Variants in TLN2 observed in about 807,000 individuals in gnomAD.
TLN2 encodes talin-2.
A neutral mutation model predicts 294.7 loss-of-function variants in TLN2; 118 were observed. That is an observed-to-expected ratio of 0.40 (90% CI 0.34 to 0.47). TLN2 has a LOEUF of 0.47. Among genes scored for constraint, TLN2 ranks in the 20% least tolerant of loss-of-function variants. The pLI, the probability that TLN2 is intolerant of heterozygous loss-of-function variation, is 0.84. For synonymous variants in TLN2, 1,431 were observed against 1,304.5 expected, an observed-to-expected ratio of 1.10 and a Z score of -2.09; for missense variants, 3,083 against 3,282.2, an observed-to-expected ratio of 0.94 and a Z score of 1.48.
chr15:62,824,027 C>T (rs146591219), intron 54 of TLN2: 1 of 528,016 alleles, frequency 1.9e-6, no homozygotes, highest in African/African-American at 1.9e-5. Flanking sequence ...AAACATATTC[C>T]TACAGTGTCT....
At position 62,644,450 on chromosome 15, in the gene TLN2, C is replaced by A. The variant is rs1468287914; in HGVS notation, c.-36-2825C>A. ...TCTTTCTAGCCCCTCCCACCCAGTT[C>A]TCTCTCCATCTTTGCGTTCAATTCT... is the stretch of plus-strand genomic sequence containing the variant. On this transcript the variant is annotated intron_variant, in intron 3 of 58. Coordinates refer to ENST00000636159, the MANE Select transcript of TLN2 (RefSeq NM_015059.3). 6.6e-6 allele frequency: 3 copies of A among 455,534 alleles called. No individual in the cohort carries two copies. In the Admixed American group the frequency reaches 7.0e-5, roughly 11 times the overall value. 28.2% of individuals were successfully genotyped at this position (455,534 alleles called of 1,614,324 possible). A position where few individuals can be genotyped will look rare whatever the true frequency, so the allele number is the denominator to read the frequency against.
chr15:62,768,017 G>C (rs2063123297), intron 41 of TLN2, among the ~76,000 whole-genome samples: 1 of 152,158 alleles, frequency 6.6e-6, no homozygotes, highest in Non-Finnish European at 1.5e-5. Context: ...CCTTCTAAAA[G>C]AGAATTTTGG....
At chr15:62,746,922 G>A (rs1323043658) in intron 32 of TLN2, among the ~76,000 whole-genome samples, 1 of 152,108 alleles carries the variant, frequency 6.6e-6, no homozygotes, top group Non-Finnish European at 1.5e-5. Flanking sequence ...TAAAATGCGT[G>A]GGTTTTCAAT....
chr15:62,739,446 C>T lies in TLN2; in HGVS notation c.3786C>T (p.Thr1262=), dbSNP rs778236385. The part of the protein sequence containing the change: ...NQSAGEVVHA[T]RGQSGELAAA... ...CTGCTGGGGAAGTGGTCCATGCCAC[C>T]CGGGGCCAGAGTGGAGAGTTGGCTG... Residue 1262 remains threonine, a synonymous_variant, in exon 31 of 59, where the codon ACC becomes ACT. Transcript: ENST00000636159. 6.2e-7 allele frequency: 1 copy of T among 1,614,108 alleles called. No homozygotes were observed. Among genetic ancestry groups the T allele is most frequent in the Middle Eastern group, 1.6e-4 (1 of 6,062 alleles).
intron 1 of TLN2, among the ~76,000 whole-genome samples, chr15:62,551,546 A>G (rs1177638433): frequency 1.3e-5 from 2 of 151,468 alleles, no homozygotes; most frequent in Non-Finnish European, 2.9e-5. Flanking sequence ...ACACACACAC[A>G]CAAATAGCCA....
chr15:62,521,601 G>A (rs1317506661), intron 1 of TLN2, among the ~76,000 whole-genome samples: 1 of 152,148 alleles, frequency 6.6e-6, no homozygotes, highest in Non-Finnish European at 1.5e-5. Context: ...GGTTGTGAGG[G>A]TCAAGGTTCT....
rs3055852 is a variant in TLN2 at position 62,815,177 on chromosome 15, TCACACACACACACACACACA to T, written c.6772-4303_6772-4284del. On this transcript the variant is annotated intron_variant, in intron 52 of 58. Transcript: ENST00000636159. ...AAACTGGAGATTTTTATTCTGTCTGTCACACACACACACACACACACACACACACACACACACACACACAC... is the reference window on the plus strand; with the variant it reads ...AAACTGGAGATTTTTATTCTGTCTGTCACACACACACACACACACACACAC... Among the ~76,000 whole-genome samples the T allele has an allele frequency of 2.4e-3, 334 of 140,686 alleles. 1 individual carries two copies. Among genetic ancestry groups the T allele is most frequent in the East Asian group, 0.011 (52 of 4,818 alleles). 92.3% of individuals were successfully genotyped at this position (140,686 alleles called of 152,430 possible). A position where few individuals can be genotyped will look rare whatever the true frequency, so the allele number is the denominator to read the frequency against.
In TLN2 at chr15:62,697,750, T is replaced by A. The variant is rs773979359; in HGVS notation, c.1355T>A (p.Leu452Gln). The A allele has an allele frequency of 5.0e-6, 8 of 1,612,106 alleles. No homozygotes were observed. The highest frequency in any genetic ancestry group is 1.7e-4 in the Middle Eastern group (1 of 6,052). ...TGKAEHGSVA[L>Q]PAVMRSGSSG... ...AAGGCAGAGCACGGCTCAGTGGCGCTGCCGGCCGTGATGCGCTCGGGCTCC... is the reference window on the plus strand; with the variant it reads ...AAGGCAGAGCACGGCTCAGTGGCGCAGCCGGCCGTGATGCGCTCGGGCTCC... The change falls in exon 15 of 59, where the codon CTG becomes CAG. Residue 452 changes from leucine to glutamine, a missense_variant. By Grantham distance (113) the Leu-to-Gln change is moderately radical. Coordinates refer to ENST00000636159, the MANE Select transcript of TLN2 (RefSeq NM_015059.3).
Position 62,432,749 on chromosome 15 carries a change from G to A in TLN2, c.-238+42064G>A, listed in dbSNP as rs1210687642. ...ATACTAGGAGTTGTTTTGCTCCTTCGAGTACATGTATTTTGGCCATGACTA... is the reference window on the plus strand; with the variant it reads ...ATACTAGGAGTTGTTTTGCTCCTTCAAGTACATGTATTTTGGCCATGACTA... On this transcript the variant is annotated intron_variant, in intron 1 of 58. Transcript: ENST00000636159. Among the ~76,000 whole-genome samples, 6 of 152,248 alleles carry A rather than the reference G, an allele frequency of 3.9e-5. No individual in the cohort carries two copies. The South Asian group carries it at 6.2e-4, about 16-fold the overall frequency.
intron 1 of TLN2, among the ~76,000 whole-genome samples, chr15:62,427,896 CT>C (rs1045958267): frequency 6.6e-6 from 1 of 152,160 alleles, no homozygotes; most frequent in African/African-American, 2.4e-5. Context: ...GTTCCTAGGG[CT>C]AGGCAGTGTC....
intron 4 of TLN2, among the ~76,000 whole-genome samples, chr15:62,648,404 C>CAAAAAAAAAAAAA (rs66528062): frequency 1.6e-5 from 1 of 61,872 alleles, no homozygotes. Flanking sequence ...GACCCTGACT[C>CAAAAAAAAAAAAA]AAAAAAAAAA....
At position 62,707,245 on chromosome 15, in the gene TLN2, T is replaced by C. The variant is rs965978619; in HGVS notation, c.2164T>C (p.Cys722Arg). ...CCTCTCCACCTCCCAGCTTGTGGCA[T>C]GTGCCAAGGTAAGCCAGCTGGCACC... ...CALSTSQLVACAKVVSPTISS... is the reference protein window; with the variant it reads ...CALSTSQLVARAKVVSPTISS... The change falls in exon 20 of 59, where the codon TGT (cysteine) becomes CGT (arginine). Residue 722 changes from cysteine (C) to arginine (R), a missense_variant. By Grantham distance (180) the Cys-to-Arg change is radical. Coordinates refer to ENST00000636159, the MANE Select transcript of TLN2 (RefSeq NM_015059.3). The C allele has an allele frequency of 6.2e-7, 1 of 1,608,836 alleles. No individual in the cohort carries two copies. Among genetic ancestry groups the C allele is most frequent in the Non-Finnish European group, 8.5e-7 (1 of 1,176,188 alleles).
chr15:62,474,558 C>G (rs2037680099), intron 1 of TLN2, among the ~76,000 whole-genome samples: 1 of 152,180 alleles, frequency 6.6e-6, no homozygotes, highest in African/African-American at 2.4e-5. Flanking sequence ...GGGAGGATCA[C>G]TTGAGCCAGG....
intron 3 of TLN2, among the ~76,000 whole-genome samples, chr15:62,622,617 A>C (rs144092341): frequency 3.3e-4 from 51 of 152,294 alleles, no homozygotes; most frequent in Non-Finnish European, 6.0e-4. Flanking sequence ...TTTACTGAAA[A>C]ATTTTATGTA....
intron 1 of TLN2, chr15:62,561,283 C>G (rs1274564874): frequency 6.6e-6 from 1 of 152,236 alleles, no homozygotes; most frequent in Non-Finnish European, 1.5e-5. Context: ...AATCTCTGGT[C>G]TGATTACACA....
chr15:62,713,266 C>A (rs1190360325), intron 22 of TLN2, among the ~76,000 whole-genome samples: 3 of 84,796 alleles, frequency 3.5e-5, no homozygotes, highest in African/African-American at 7.7e-5. Flanking sequence ...AGCAAACCTG[C>A]GTCTCAAAAA....
intron 1 of TLN2, among the ~76,000 whole-genome samples, chr15:62,501,510 C>CA (rs1326080539): frequency 6.6e-6 from 1 of 152,208 alleles, no homozygotes; most frequent in Non-Finnish European, 1.5e-5. Flanking sequence ...AGCTTGCACT[C>CA]ACACTGCCCC....
At chr15:62,823,820 C>T (rs1459467081) in intron 54 of TLN2, 13 of 400,448 alleles carry the variant, frequency 3.2e-5, no homozygotes, top group East Asian at 8.4e-5. Flanking sequence ...TTGTTAATGG[C>T]GCCGTTTCCA....
chr15:62,591,554 T>C (rs1455149840), intron 2 of TLN2, among the ~76,000 whole-genome samples: 1 of 152,202 alleles, frequency 6.6e-6, no homozygotes. Context: ...AGTCACACCA[T>C]GGTCAAGGTA....
Sources: gnomAD v4.1 joint callset for allele counts (sites outside exome capture counted in the v4.1 genomes callset) on GRCh38, gnomAD v4.1.1 for gene constraint, MANE v1.5 for transcripts, NCBI Gene and HGNC (gene_info 2026-07-23, HGNC 2026-07-21) for gene names.